SVIL: variants seen among roughly 807,000 people sequenced by gnomAD.
SVIL encodes archvillin.
In SVIL, 101 loss-of-function variants were observed where a neutral mutation model predicts 240.4. The ratio of observed to expected loss-of-function variants is 0.42; its 90% CI spans 0.36 to 0.50. SVIL has a LOEUF of 0.50. SVIL is among the 20% of genes least tolerant of loss of function. SVIL has a pLI of 0.01. For missense variants in SVIL, 2,512 were observed against 2,818.7 expected (o/e 0.89, Z 2.46); for synonymous variants, 999 against 1,100.0 (o/e 0.91, Z 1.82).
chr10:29,668,353 G>C (rs927630839), intron 2 of SVIL, among the ~76,000 whole-genome samples: 1 of 152,218 alleles, frequency 6.6e-6, no homozygotes, highest in East Asian at 1.9e-4. Context: ...TGTCTACACA[G>C]ATGAGGCCTA....
intron 1 of SVIL, among the ~76,000 whole-genome samples, chr10:29,611,651 T>C (rs548062028): frequency 2.2e-4 from 33 of 152,106 alleles, no homozygotes; most frequent in African/African-American, 8.0e-4. Context: ...AAGGTAAGGA[T>C]AGTTATTGTC....
At chr10:29,627,867 C>A (rs868137186) in intron 1 of SVIL, among the ~76,000 whole-genome samples, 2 of 152,146 alleles carry the variant, frequency 1.3e-5, no homozygotes, top group Non-Finnish European at 2.9e-5. Context: ...TGTATGAAAT[C>A]ATAAATCCAA....
intron 1 of SVIL, among the ~76,000 whole-genome samples, chr10:29,632,013 A>T (rs1022884335): frequency 2.0e-5 from 3 of 152,236 alleles, no homozygotes; most frequent in Admixed American, 2.0e-4. Flanking sequence ...AATCCCAGGC[A>T]GCTGCAGATT....
intron 1 of SVIL, among the ~76,000 whole-genome samples, chr10:29,602,757 A>T (rs1956865302): frequency 1.3e-5 from 2 of 152,194 alleles, no homozygotes; most frequent in African/African-American, 4.8e-5. Flanking sequence ...GGGCCGAGGC[A>T]GTTGGATCAC....
At chr10:29,497,165 T>C (rs1948508288) in intron 18 of SVIL, among the ~76,000 whole-genome samples, 3 of 152,216 alleles carry the variant, frequency 2.0e-5, no homozygotes, top group South Asian at 4.1e-4. Flanking sequence ...CATTCAGGGA[T>C]TTCCCACGTC....
At chr10:29,498,034 AT>A (rs1444222222) in intron 18 of SVIL, among the ~76,000 whole-genome samples, 10 of 125,054 alleles carry the variant, frequency 8.0e-5, no homozygotes, top group African/African-American at 2.9e-4. Flanking sequence ...GTGACCTGAG[AT>A]TGTGCCACTG....
chr10:29,617,530 G>A (rs61849386), intron 1 of SVIL, among the ~76,000 whole-genome samples: 3 of 150,878 alleles, frequency 2.0e-5, no homozygotes, highest in Non-Finnish European at 2.9e-5. Context: ...GCGGTGAGCC[G>A]AGATCGTGCC....
At chr10:29,709,227 A>G (rs1357700368) in intron 1 of SVIL, among the ~76,000 whole-genome samples, 1 of 152,222 alleles carries the variant, frequency 6.6e-6, no homozygotes, top group Non-Finnish European at 1.5e-5. Context: ...GAATACTTAC[A>G]TTGTACTTAC....
chr10:29,600,219 C>G (rs868657108), intron 1 of SVIL, among the ~76,000 whole-genome samples: 169 of 152,202 alleles, frequency 1.1e-3, no homozygotes, highest in African/African-American at 4.1e-3. Flanking sequence ...GAGCTCGTTA[C>G]ATGAATCACT....
At chr10:29,523,258 G>A (rs1950678043) in intron 15 of SVIL, among the ~76,000 whole-genome samples, 193 bp downstream of exon 15, 1 of 152,214 alleles carries the variant, frequency 6.6e-6, no homozygotes. Context: ...TCTTCCAGTA[G>A]TTTTATTGCT....
intron 1 of SVIL, among the ~76,000 whole-genome samples, chr10:29,609,204 T>C (rs1247430): frequency 0.42 from 63,927 of 152,078 alleles, 13,622 homozygotes; most frequent in African/African-American, 0.47. Context: ...ACCTGCTGAA[T>C]GGCGGAAGTG....
intron 18 of SVIL, among the ~76,000 whole-genome samples, chr10:29,495,570 G>C (rs115761495): frequency 0.037 from 5,628 of 152,256 alleles, 343 homozygotes; most frequent in African/African-American, 0.13. Flanking sequence ...TTGCCAGCAA[G>C]TGGCCCCCCG....
intron 1 of SVIL, among the ~76,000 whole-genome samples, chr10:29,696,748 C>A (rs1962060738): frequency 6.6e-6 from 1 of 151,108 alleles, no homozygotes; most frequent in South Asian, 2.1e-4. Context: ...AGGAGCCCCT[C>A]CGCCTGGCTG....
intron 29 of SVIL, among the ~76,000 whole-genome samples, chr10:29,474,221 T>C (rs983131293): frequency 1.3e-5 from 2 of 152,140 alleles, no homozygotes; most frequent in Non-Finnish European, 2.9e-5. Flanking sequence ...AGAAAAGGGA[T>C]CTGAGGGGCC....
At chr10:29,522,971 C>G (rs981403000) in intron 15 of SVIL, among the ~76,000 whole-genome samples, 4 of 152,172 alleles carry the variant, frequency 2.6e-5, no homozygotes. Flanking sequence ...AACGCAAACC[C>G]CTATTATAAC....
chr10:29,523,344 TAAACTGCC>T, intron 15 of SVIL, 99 bp downstream of exon 15: 1 of 1,036,906 alleles, frequency 9.6e-7, no homozygotes, highest in Non-Finnish European at 1.4e-6. Context: ...ATACTAGCTG[TAAACTGCC>T]TATAGAACTT....
At chr10:29,601,611 G>A (rs77184752) in intron 1 of SVIL, among the ~76,000 whole-genome samples, 2 of 152,242 alleles carry the variant, frequency 1.3e-5, no homozygotes, top group East Asian at 3.9e-4. Context: ...GGTGACTGAC[G>A]GCCTACCATA....
chr10:29,570,934 T>C (rs1187275356), intron 1 of SVIL, among the ~76,000 whole-genome samples: 1 of 152,224 alleles, frequency 6.6e-6, no homozygotes, highest in Non-Finnish European at 1.5e-5. Context: ...ATACAATCCA[T>C]ACATAAGTGC....
intron 22 of SVIL, among the ~76,000 whole-genome samples, chr10:29,490,585 TAAA>T (rs57898945): frequency 1.3e-5 from 1 of 76,250 alleles, no homozygotes; most frequent in Admixed American, 1.3e-4. Flanking sequence ...CCCCAGTCTT[TAAA>T]AAAAAAAAAA....
Sources: gnomAD v4.1 joint callset for allele counts (sites outside exome capture counted in the v4.1 genomes callset) on GRCh38, gnomAD v4.1.1 for gene constraint, MANE v1.5 for transcripts, NCBI Gene and HGNC (gene_info 2026-07-23, HGNC 2026-07-21) for gene names.